The following SAMHD1 variants were observed in gnomAD, a reference collection of about 807,000 sequenced individuals.
SAMHD1 encodes deoxynucleoside triphosphate triphosphohydrolase SAMHD1.
In SAMHD1, 54 loss-of-function variants were observed where a neutral mutation model predicts 79.6. That is an observed-to-expected ratio of 0.68 (90% CI 0.55 to 0.85). SAMHD1 has a LOEUF of 0.85. Ranked by LOEUF, SAMHD1 falls within the 40% of genes least tolerant of loss-of-function variation. SAMHD1 has a pLI of 0.00. For missense variants in SAMHD1, 663 were observed against 782.7 expected, an observed-to-expected ratio of 0.85 and a Z score of 1.82; for synonymous variants, 260 against 264.1, an observed-to-expected ratio of 0.98 and a Z score of 0.15.
chr20:36,940,639 G>A (rs1185071837), intron 3 of SAMHD1: 1 of 257,008 alleles, frequency 3.9e-6, no homozygotes, highest in African/African-American at 2.3e-5. Flanking sequence ...ACGGAGGTTG[G>A]AGTGAGCTGA....
intron 6 of SAMHD1, among the ~76,000 whole-genome samples, chr20:36,925,847 GA>G (rs1218424747): frequency 2.0e-5 from 3 of 152,126 alleles, no homozygotes; most frequent in Admixed American, 1.3e-4. Context: ...AAAACAACTG[GA>G]ACTCCAGTAT....
At chr20:36,921,307 C>T (rs936765688) in intron 6 of SAMHD1, among the ~76,000 whole-genome samples, 4 of 145,750 alleles carry the variant, frequency 2.7e-5, no homozygotes, top group East Asian at 4.3e-4. Flanking sequence ...GCAGGAGAAA[C>T]GCTTGAACTC....
In SAMHD1 at chr20:36,895,076, G is replaced by A. The variant is rs7264587; in HGVS notation, c.1747-2010C>T. Among the ~76,000 whole-genome samples, 304 of 152,006 alleles carry A rather than the reference G, an allele frequency of 2.0e-3. 1 individual carries two copies. The highest frequency in any genetic ancestry group is 6.8e-3 in the African/African-American group (282 of 41,476). ...TTAATTTCTACTCATTCTACTTTCA[G>A]TTCTAGTGAATTTTATAAATGTAAA... On this transcript the variant is annotated intron_variant, in intron 15 of 15. Transcript: ENST00000646673.
At chr20:36,942,233 T>A (rs1228257350) in intron 2 of SAMHD1, among the ~76,000 whole-genome samples, 1 of 152,050 alleles carries the variant, frequency 6.6e-6, no homozygotes, top group African/African-American at 2.4e-5. Flanking sequence ...CTGACTAACA[T>A]GGAGAAACCC....
At chr20:36,906,243 G>T (rs796608852) in intron 11 of SAMHD1, among the ~76,000 whole-genome samples, 6 of 152,316 alleles carry the variant, frequency 3.9e-5, no homozygotes, top group African/African-American at 1.4e-4. Context: ...CTTGAGACCA[G>T]CCTGGCCAAC....
chr20:36,931,232 T>A (rs899903669), intron 4 of SAMHD1, among the ~76,000 whole-genome samples: 80 of 152,308 alleles, frequency 5.3e-4, no homozygotes, highest in African/African-American at 1.8e-3. Flanking sequence ...TATTATGGTG[T>A]AGCTGCCATG....
chr20:36,934,235 C>A (rs2063585907), intron 4 of SAMHD1, among the ~76,000 whole-genome samples: 1 of 151,466 alleles, frequency 6.6e-6, no homozygotes, highest in Non-Finnish European at 1.5e-5. Flanking sequence ...TAAAAAGCCT[C>A]AATTTTGGGG....
At chr20:36,940,965 T>G in intron 3 of SAMHD1, 74 bp downstream of exon 3, 1 of 1,166,264 alleles carries the variant, frequency 8.6e-7, no homozygotes, top group East Asian at 2.4e-5. Context: ...TCCTATTCTC[T>G]TCAAAATGAA....
At chr20:36,935,229 A>G in intron 3 of SAMHD1, 40 bp from the exon 4 acceptor site, 1 of 1,529,258 alleles carries the variant, frequency 6.5e-7, no homozygotes, top group Non-Finnish European at 9.1e-7. Context: ...AACGACATGT[A>G]AGTCCAACTG....
intron 13 of SAMHD1, among the ~76,000 whole-genome samples, chr20:36,902,116 G>A (rs1244669854): frequency 6.6e-6 from 1 of 152,182 alleles, no homozygotes; most frequent in African/African-American, 2.4e-5. Context: ...AATACAGCTG[G>A]AGGTGGGAAG....
intron 13 of SAMHD1, among the ~76,000 whole-genome samples, chr20:36,902,801 G>A (rs1990329479): frequency 1.3e-5 from 2 of 150,466 alleles, no homozygotes; most frequent in African/African-American, 4.9e-5. Flanking sequence ...GCAGTGGTGT[G>A]ATCTCGGCTC....
chr20:36,925,936 A>C (rs551806965), intron 6 of SAMHD1, among the ~76,000 whole-genome samples: 8 of 152,188 alleles, frequency 5.3e-5, no homozygotes, highest in African/African-American at 1.9e-4. Context: ...ATACATATCT[A>C]CCATATGACC....
At chr20:36,941,802 A>G (rs999801947) in intron 2 of SAMHD1, among the ~76,000 whole-genome samples, 1 of 152,166 alleles carries the variant, frequency 6.6e-6, no homozygotes, top group African/African-American at 2.4e-5. Flanking sequence ...GAGGCACTAC[A>G]TTGGCCTCTA....
At chr20:36,947,034 T>C in intron 1 of SAMHD1, 1 of 421,304 alleles carries the variant, frequency 2.4e-6, no homozygotes, top group Non-Finnish European at 4.3e-6. Context: ...TCAAAATTAT[T>C]TGTGTAAATT....
At chr20:36,939,261 A>G (rs1202252777) in intron 3 of SAMHD1, among the ~76,000 whole-genome samples, 1 of 141,538 alleles carries the variant, frequency 7.1e-6, no homozygotes, top group Non-Finnish European at 1.5e-5. Context: ...CTCAAAAAAA[A>G]AAAAAAAAAA....
chr20:36,940,654 G>GGT, intron 3 of SAMHD1: 1 of 275,800 alleles, frequency 3.6e-6, no homozygotes, highest in South Asian at 3.7e-5. Context: ...AGCTGAGATT[G>GGT]CACCACTGTA....
Position 36,905,486 on chromosome 20 carries a change from T to C in SAMHD1, c.1288A>G (p.Ile430Val). The change falls in exon 12 of 16, where the codon ATT becomes GTT. Residue 430 changes from isoleucine (I) to valine (V), a missense_variant. Coordinates refer to ENST00000646673, the MANE Select transcript of SAMHD1 (RefSeq NM_015474.4). Reference protein sequence around the residue: ...TKLTDNIFLEILYSTDPKLKD... With the variant: ...TKLTDNIFLEVLYSTDPKLKD... ...AATTTGGGATCAGTAGAGTATAAAATCTCCAGAAAAATGTTATCTGCCAAT... is the reference window on the plus strand; with the variant it reads ...AATTTGGGATCAGTAGAGTATAAAACCTCCAGAAAAATGTTATCTGCCAAT... 6.2e-7 allele frequency: 1 copy of C among 1,611,066 alleles called. No homozygotes were observed. Among genetic ancestry groups the C allele is most frequent in the Non-Finnish European group, 8.5e-7 (1 of 1,177,398 alleles).
chr20:36,927,443 G>A (rs1233897831), intron 5 of SAMHD1, among the ~76,000 whole-genome samples, 191 bp from the exon 6 acceptor site: 2 of 150,628 alleles, frequency 1.3e-5, no homozygotes, highest in African/African-American at 2.4e-5. Context: ...TCAGGCTACC[G>A]AGTAGCTGGG....
At position 36,910,291 on chromosome 20, in the gene SAMHD1, C is replaced by G. The variant is rs192197359; in HGVS notation, c.1270+927G>C. On this transcript the variant is annotated intron_variant, in intron 11 of 15. Coordinates refer to ENST00000646673, the MANE Select transcript of SAMHD1 (RefSeq NM_015474.4). ...TAGTCCCAAGTAGCCAAATCAGCTA[C>G]TTGGCTGAGGCTGAGGCAAGAGGAT... is the stretch of plus-strand genomic sequence containing the variant. Among the ~76,000 whole-genome samples the G allele has an allele frequency of 1.9e-3, 282 of 150,796 alleles. 3 individuals carry two copies. Among genetic ancestry groups the G allele is most frequent in the African/African-American group, 6.4e-3 (263 of 40,960 alleles).
Sources: allele counts gnomAD v4.1 joint callset (sites outside exome capture counted in the v4.1 genomes callset), GRCh38; gene constraint gnomAD v4.1.1; transcripts MANE v1.5; gene names NCBI Gene and HGNC (gene_info 2026-07-23, HGNC 2026-07-21).